Variants in ABHD2 observed in about 807,000 individuals in gnomAD.
ABHD2 encodes abhydrolase domain containing 2, acylglycerol lipase.
A neutral mutation model predicts 48.1 loss-of-function variants in ABHD2; 20 were observed. That is an observed-to-expected ratio of 0.42 (90% CI 0.29 to 0.60). ABHD2 has a LOEUF of 0.60. Ranked by LOEUF, ABHD2 falls within the 20% of genes least tolerant of loss-of-function variation. The pLI is 0.24. For synonymous variants in ABHD2, 209 were observed against 214.2 expected, an observed-to-expected ratio of 0.98 and a Z score of 0.21; for missense variants, 405 against 550.9, an observed-to-expected ratio of 0.74 and a Z score of 2.65.
chr15:89,054,767 A>T, the ABHD2 span, among the ~76,000 whole-genome samples: 1 of 152,100 alleles, frequency 6.6e-6, no homozygotes, highest in Admixed American at 6.6e-5. Context: ...TCTTTCTCAA[A>T]GTCTTTTATT....
At chr15:89,159,565 A>G (rs963843336) in intron 5 of ABHD2, among the ~76,000 whole-genome samples, 1 of 152,182 alleles carries the variant, frequency 6.6e-6, no homozygotes, top group African/African-American at 2.4e-5. Flanking sequence ...AGAGGCACTC[A>G]TGAACAGTTG....
At chr15:89,107,632 G>T (rs1185213824) in intron 1 of ABHD2, among the ~76,000 whole-genome samples, 1 of 152,180 alleles carries the variant, frequency 6.6e-6, no homozygotes, top group Non-Finnish European at 1.5e-5. Context: ...TTTACAGATG[G>T]TGTTCAGAGG....
intron 3 of ABHD2, among the ~76,000 whole-genome samples, chr15:89,128,173 G>A (rs1421664083): frequency 6.6e-6 from 1 of 152,194 alleles, no homozygotes; most frequent in Non-Finnish European, 1.5e-5. Context: ...AGTGATAAAG[G>A]AATTTAGAGA....
At chr15:89,093,826 C>T (rs533658212) in intron 1 of ABHD2, 2 of 152,296 alleles carry the variant, frequency 1.3e-5, no homozygotes, top group South Asian at 4.1e-4. Flanking sequence ...CAAGGTTCTT[C>T]GTATTTGAAC....
At position 89,176,344 on chromosome 15, in the gene ABHD2, A is replaced by C. The variant is rs2051013195; in HGVS notation, c.722+349A>C. Among the ~76,000 whole-genome samples the C allele has an allele frequency of 6.6e-6, 1 of 152,148 alleles. No homozygotes were observed. The highest frequency in any genetic ancestry group is 2.1e-4 in the South Asian group (1 of 4,828). On this transcript the variant is annotated intron_variant, in intron 6 of 10. Transcript: ENST00000352732. This position sits in a 1 kb window ranked among gnomAD's most constrained non-coding sequence, Gnocchi z 4.5. ...ACGTGGATTAATGAAAGAGCACAGG[A>C]GACTGGCAAGCTGGGATCTGAAAGC...
chr15:89,064,213 T>C, the ABHD2 span, among the ~76,000 whole-genome samples: 1 of 132,270 alleles, frequency 7.6e-6, no homozygotes, highest in South Asian at 2.5e-4. Context: ...TATATAACAT[T>C]GTGTCCTTTT....
intron 1 of ABHD2, among the ~76,000 whole-genome samples, chr15:89,110,936 T>C (rs1445176079): frequency 6.6e-6 from 1 of 152,248 alleles, no homozygotes; most frequent in Non-Finnish European, 1.5e-5. Flanking sequence ...TAAATAATTC[T>C]GTGCCAGATA....
the ABHD2 span, among the ~76,000 whole-genome samples, chr15:89,076,508 G>C: frequency 6.6e-6 from 1 of 152,066 alleles, no homozygotes; most frequent in Non-Finnish European, 1.5e-5. Context: ...TTTTGAGACA[G>C]GATCTTGCTC....
At chr15:89,142,418 G>A (rs2050418693) in intron 3 of ABHD2, among the ~76,000 whole-genome samples, 1 of 152,164 alleles carries the variant, frequency 6.6e-6, no homozygotes, top group African/African-American at 2.4e-5. Context: ...AGCTTGGGGG[G>A]ACATCCTTAA....
At chr15:89,065,347 T>C in the ABHD2 span, among the ~76,000 whole-genome samples, 1 of 152,146 alleles carries the variant, frequency 6.6e-6, no homozygotes, top group Non-Finnish European at 1.5e-5. Context: ...ATTAAGGGTG[T>C]AGAATAACAC....
In ABHD2 at chr15:89,168,096, C is replaced by T. The variant is rs1025897831; in HGVS notation, c.539-7716C>T. 1.3e-5 allele frequency among the ~76,000 whole-genome samples: 2 copies of T among 151,922 alleles called. No individual in the cohort carries two copies. The highest frequency in any genetic ancestry group is 1.9e-4 in the East Asian group (1 of 5,190). On this transcript the variant is annotated intron_variant, in intron 5 of 10. Transcript: ENST00000352732. The surrounding 1 kb of genome is among the most constrained non-coding windows in gnomAD (Gnocchi z 4.8). ...AAGTCTCGAGTCCCTGTATTTTAGC[C>T]TATTTAGTCATGCTAGTGTCATTTG...
intron 3 of ABHD2, among the ~76,000 whole-genome samples, chr15:89,126,903 T>C (rs552589774): frequency 1.3e-5 from 2 of 152,210 alleles, no homozygotes; most frequent in Non-Finnish European, 2.9e-5. Context: ...GATGGTGTAA[T>C]GTTTACTTAA....
chr15:89,047,342 G>A, the ABHD2 span, among the ~76,000 whole-genome samples: 1 of 151,760 alleles, frequency 6.6e-6, no homozygotes, highest in East Asian at 1.9e-4. Context: ...TGGAATAGGT[G>A]TGGTGTGGTG....
At chr15:89,161,329 T>A (rs1775926649) in intron 5 of ABHD2, among the ~76,000 whole-genome samples, 1 of 152,184 alleles carries the variant, frequency 6.6e-6, no homozygotes, top group Non-Finnish European at 1.5e-5. Context: ...GTTCAACTCA[T>A]GGCCCATCTT....
rs147412189 is a variant in ABHD2, at chr15:89,166,902, G to C, written c.539-8910G>C. Among the ~76,000 whole-genome samples, 11 of 152,266 alleles carry C rather than the reference G, an allele frequency of 7.2e-5. No individual in the cohort carries two copies. The highest frequency in any genetic ancestry group is 1.6e-4 in the Non-Finnish European group (11 of 68,020). On this transcript the variant is annotated intron_variant, in intron 5 of 10. Coordinates refer to ENST00000352732, the MANE Select transcript of ABHD2 (RefSeq NM_152924.5). This position sits in a 1 kb window ranked among gnomAD's most constrained non-coding sequence, Gnocchi z 4.6. ...AGGACGGGACTTCAGTCTTAGAAGG[G>C]AGGGAGACCCCATCTCCCTCCATCT... is the stretch of plus-strand genomic sequence containing the variant.
the ABHD2 span, among the ~76,000 whole-genome samples, chr15:89,071,935 C>G: frequency 6.6e-6 from 1 of 152,180 alleles, no homozygotes; most frequent in African/African-American, 2.4e-5. Context: ...TGTAGGGTGA[C>G]CAACCTCAGT....
Position 89,195,434 on chromosome 15 carries a change from C to A in ABHD2, c.*11C>A. On this transcript the variant is annotated 3_prime_UTR_variant, in exon 11 of 11. Coordinates refer to ENST00000352732, the MANE Select transcript of ABHD2 (RefSeq NM_152924.5). This position sits in a 1 kb window ranked among gnomAD's most constrained non-coding sequence, Gnocchi z 5.1. ...GCCGACCTGGAGTGAGGCCTCCGGA[C>A]TCTGGCACGCTCCAGCAGCCCTCCT... 6.2e-7 allele frequency: 1 copy of A among 1,611,202 alleles called. No individual in the cohort carries two copies. Among genetic ancestry groups the A allele is most frequent in the South Asian group, 1.1e-5 (1 of 90,916 alleles).
In ABHD2 at chr15:89,200,509, CT is replaced by C. The variant is rs1206176954; in HGVS notation, c.*5089del. On this transcript the variant is annotated 3_prime_UTR_variant, in exon 11 of 11. Coordinates refer to ENST00000352732, the MANE Select transcript of ABHD2 (RefSeq NM_152924.5). Reference sequence around the variant, plus strand: ...GTGCTCCTCACTTCCCAGAACAATTCTTTATGAATTTGATAAAGGACTGAAG... The same window carrying C: ...GTGCTCCTCACTTCCCAGAACAATTCTTATGAATTTGATAAAGGACTGAAG... 6.6e-6 allele frequency: 1 copy of C among 152,642 alleles called. No homozygotes were observed. The highest frequency in any genetic ancestry group is 1.5e-5 in the Non-Finnish European group (1 of 68,072). The allele number at this position is 152,642 out of a possible 1,614,324, so 9.5% of individuals were successfully genotyped here.
Position 89,104,812 on chromosome 15 carries a change from A to G in ABHD2, c.-106-8913A>G, listed in dbSNP as rs1241292357. ...ACATAGAAGAGTGGGTGGCATCTCT[A>G]TGGTGCCCAGGACAATCAATCTGGA... is the stretch of plus-strand genomic sequence containing the variant. On this transcript the variant is annotated intron_variant, in intron 1 of 10. Coordinates refer to ENST00000352732, the MANE Select transcript of ABHD2 (RefSeq NM_152924.5). The surrounding 1 kb of genome is among the most constrained non-coding windows in gnomAD (Gnocchi z 4.4). Among the ~76,000 whole-genome samples, 9 of 152,282 alleles carry G rather than the reference A, an allele frequency of 5.9e-5. No homozygotes were observed. Among genetic ancestry groups the G allele is most frequent in the South Asian group, 2.1e-4 (1 of 4,820 alleles).
Sources: allele counts gnomAD v4.1 joint callset (sites outside exome capture counted in the v4.1 genomes callset), GRCh38; gene constraint gnomAD v4.1.1; non-coding constraint Gnocchi (gnomAD v3.1); transcripts MANE v1.5; gene names NCBI Gene and HGNC (gene_info 2026-07-23, HGNC 2026-07-21).